Variants in SLX4IP observed in about 807,000 individuals in gnomAD.
SLX4IP encodes SLX4 interacting protein.
In SLX4IP, 34 loss-of-function variants were observed where a neutral mutation model predicts 32.9. The observed-to-expected ratio is 1.03, with a 90% CI of 0.79 to 1.38. The LOEUF is 1.38. SLX4IP is among the 40% of genes most tolerant of loss of function. The probability of loss-of-function intolerance (pLI) is 0.00; values close to 1 mark genes in which losing one functional copy is unlikely to be tolerated. For missense variants in SLX4IP, 444 were observed against 479.0 expected (o/e 0.93, Z 0.68); for synonymous variants, 172 against 171.7 (o/e 1.00, Z -0.01).
intron 2 of SLX4IP, among the ~76,000 whole-genome samples, chr20:10,534,702 G>A (rs1238119234): frequency 2.6e-5 from 4 of 152,160 alleles, no homozygotes; most frequent in Non-Finnish European, 5.9e-5. Context: ...CATGAACAGA[G>A]GCCAGCAGGG....
At chr20:10,518,024 G>A (rs2065864169) in intron 2 of SLX4IP, among the ~76,000 whole-genome samples, 1 of 152,136 alleles carries the variant, frequency 6.6e-6, no homozygotes, top group South Asian at 2.1e-4. Flanking sequence ...GGGAGGGGCA[G>A]GGGGAGGGAG....
chr20:10,613,274 T>C (rs1376197216), intron 6 of SLX4IP: 1 of 642,366 alleles, frequency 1.6e-6, no homozygotes, highest in Non-Finnish European at 2.7e-6. Flanking sequence ...AATACTAAGA[T>C]CAGGTTGAGA....
chr20:10,469,608 A>C lies in SLX4IP; in HGVS notation c.27+11377A>C, dbSNP rs191707398. 2.2e-3 allele frequency among the ~76,000 whole-genome samples: 334 copies of C among 152,308 alleles called. 5 individuals are homozygous for C. Among genetic ancestry groups the C allele is most frequent in the Admixed American group, 0.021 (314 of 15,300 alleles). On this transcript the variant is annotated intron_variant, in intron 2 of 7. Transcript: ENST00000334534. Reference sequence around the variant, plus strand: ...TTTTTATTACTTATTCTAGTGTAAAAATTAATTCTTACCAGAAAAGTAAAC... The same window carrying C: ...TTTTTATTACTTATTCTAGTGTAAACATTAATTCTTACCAGAAAAGTAAAC...
chr20:10,444,844 A>G (rs189776888), intron 1 of SLX4IP, among the ~76,000 whole-genome samples: 6 of 152,104 alleles, frequency 3.9e-5, no homozygotes, highest in African/African-American at 1.2e-4. Context: ...CGTTAATACT[A>G]TTACACTGGG....
intron 2 of SLX4IP, among the ~76,000 whole-genome samples, chr20:10,538,344 C>A (rs374700506): frequency 2.0e-5 from 3 of 152,058 alleles, no homozygotes; most frequent in East Asian, 3.9e-4. Context: ...TGATGCCTTG[C>A]GGTGGGAGCT....
At chr20:10,512,182 G>A (rs1600946302) in intron 2 of SLX4IP, among the ~76,000 whole-genome samples, 1 of 152,206 alleles carries the variant, frequency 6.6e-6, no homozygotes, top group Non-Finnish European at 1.5e-5. Context: ...GAGCATGGCT[G>A]TGTTCTAGTA....
intron 2 of SLX4IP, among the ~76,000 whole-genome samples, chr20:10,531,008 T>C (rs1437223721): frequency 6.6e-6 from 1 of 152,238 alleles, no homozygotes; most frequent in Non-Finnish European, 1.5e-5. Context: ...ATTCCTGTGC[T>C]AACTAGGTTA....
intron 6 of SLX4IP, among the ~76,000 whole-genome samples, chr20:10,608,315 C>G (rs2066927395): frequency 2.0e-5 from 3 of 152,166 alleles, no homozygotes; most frequent in Admixed American, 6.5e-5. Flanking sequence ...AAACATGATA[C>G]TTTCTGTACA....
intron 2 of SLX4IP, among the ~76,000 whole-genome samples, chr20:10,500,225 TG>T (rs1482938979): frequency 6.8e-6 from 1 of 147,574 alleles, no homozygotes; most frequent in African/African-American, 2.5e-5. Flanking sequence ...ACCTCTGAAT[TG>T]TTCAAGCAAT....
intron 4 of SLX4IP, among the ~76,000 whole-genome samples, chr20:10,591,596 TA>T (rs2066710754): frequency 6.6e-6 from 1 of 152,228 alleles, no homozygotes; most frequent in African/African-American, 2.4e-5. Context: ...TATAGTTATT[TA>T]AAGATGAGTG....
intron 2 of SLX4IP, among the ~76,000 whole-genome samples, chr20:10,475,159 G>C (rs1390337753): frequency 6.6e-6 from 1 of 152,248 alleles, no homozygotes; most frequent in Non-Finnish European, 1.5e-5. Context: ...GCCAGAGCCA[G>C]ATCCCTGTCT....
At chr20:10,474,182 C>G (rs1303916446) in intron 2 of SLX4IP, among the ~76,000 whole-genome samples, 1 of 152,154 alleles carries the variant, frequency 6.6e-6, no homozygotes, top group Non-Finnish European at 1.5e-5. Context: ...TCCCAAAGTG[C>G]TGGGTTTACA....
At chr20:10,468,235 T>C (rs2065397045) in intron 2 of SLX4IP, among the ~76,000 whole-genome samples, 1 of 152,222 alleles carries the variant, frequency 6.6e-6, no homozygotes, top group Non-Finnish European at 1.5e-5. Context: ...GCAGAGCATC[T>C]TGAATTTACT....
intron 4 of SLX4IP, among the ~76,000 whole-genome samples, chr20:10,585,925 G>C (rs1015176505): frequency 2.6e-5 from 4 of 152,024 alleles, no homozygotes; most frequent in African/African-American, 9.7e-5. Flanking sequence ...TTTCCAAACA[G>C]CTTCACCCAG....
At chr20:10,583,900 A>T (rs2066615238) in intron 4 of SLX4IP, among the ~76,000 whole-genome samples, 1 of 152,232 alleles carries the variant, frequency 6.6e-6, no homozygotes, top group African/African-American at 2.4e-5. Flanking sequence ...GGCAATTAAG[A>T]TAAAAATATC....
chr20:10,478,135 G>A (rs894377551), intron 2 of SLX4IP, among the ~76,000 whole-genome samples: 26 of 152,056 alleles, frequency 1.7e-4, no homozygotes, highest in African/African-American at 6.0e-4. Context: ...CTGAGCTCAG[G>A]CATTCCACCC....
rs568283346 is a variant in SLX4IP at position 10,549,009 on chromosome 20, T to G, written c.28-7222T>G. Among the ~76,000 whole-genome samples, 12 of 152,330 alleles carry G rather than the reference T, an allele frequency of 7.9e-5. No individual in the cohort carries two copies. The South Asian group carries it at 2.5e-3, about 32-fold the overall frequency. On this transcript the variant is annotated intron_variant, in intron 2 of 7. Coordinates refer to ENST00000334534, the MANE Select transcript of SLX4IP (RefSeq NM_001009608.3). The stretch of plus-strand genomic sequence containing the variant: ...AGGTATGCTGGTTCCCTTTCTTATA[T>G]GTAAACTACAAGCTTGGATTTCCTG...
intron 1 of SLX4IP, among the ~76,000 whole-genome samples, chr20:10,443,443 A>G (rs1287821027): frequency 6.6e-6 from 1 of 152,188 alleles, no homozygotes; most frequent in African/African-American, 2.4e-5. Flanking sequence ...TGTCCCAGAG[A>G]AGGAGCAATT....
intron 2 of SLX4IP, among the ~76,000 whole-genome samples, chr20:10,519,593 C>T (rs2065886407): frequency 6.6e-6 from 1 of 152,206 alleles, no homozygotes; most frequent in Non-Finnish European, 1.5e-5. Flanking sequence ...TGTGTGGATA[C>T]ATCACCTTTT....
Sources: gnomAD v4.1 joint callset for allele counts (sites outside exome capture counted in the v4.1 genomes callset) on GRCh38, gnomAD v4.1.1 for gene constraint, MANE v1.5 for transcripts, NCBI Gene and HGNC (gene_info 2026-07-23, HGNC 2026-07-21) for gene names.